Variants in STAG1 observed in about 807,000 individuals in gnomAD.
STAG1 encodes the protein cohesin subunit SA-1.
A neutral mutation model predicts 170.9 loss-of-function variants in STAG1; 26 were observed. That is an observed-to-expected ratio of 0.15 (90% CI 0.11 to 0.21). The LOEUF is 0.21. STAG1 is among the 10% of genes least tolerant of loss of function. The probability of loss-of-function intolerance (pLI) is 1.00; values close to 1 mark genes in which losing one functional copy is unlikely to be tolerated. For synonymous variants in STAG1, 514 were observed against 497.7 expected (o/e 1.03, Z -0.44); for missense variants, 964 against 1,509.5 (o/e 0.64, Z 5.99).
intron 26 of STAG1, 132 bp downstream of exon 26, chr3:136,363,234 A>G: frequency 2.2e-6 from 1 of 460,128 alleles, no homozygotes; most frequent in Non-Finnish European, 3.8e-6. Flanking sequence ...GAAAATATCC[A>G]CAGTAATGCA....
chr3:136,432,525 G>A (rs1017759362), intron 16 of STAG1, among the ~76,000 whole-genome samples: 3 of 142,036 alleles, frequency 2.1e-5, no homozygotes, highest in African/African-American at 7.6e-5. Context: ...GGGGGGGGGG[G>A]GGCACAGAGT....
At chr3:136,463,236 G>C (rs895254605) in intron 13 of STAG1, among the ~76,000 whole-genome samples, 15 of 151,842 alleles carry the variant, frequency 9.9e-5, no homozygotes. Context: ...CCAGTAAGTA[G>C]CTGGTTTCTT....
chr3:136,737,072 G>C, intron 1 of STAG1: 3 of 1,146,728 alleles, frequency 2.6e-6, no homozygotes, highest in Non-Finnish European at 4.0e-6. Context: ...CAAATGGGGT[G>C]AAACTGAAGT....
At chr3:136,480,943 T>C (rs1007680986) in intron 9 of STAG1, among the ~76,000 whole-genome samples, 1 of 145,654 alleles carries the variant, frequency 6.9e-6, no homozygotes, top group African/African-American at 2.5e-5. Context: ...TCCTGAGACT[T>C]TGCTGAAGTC....
At chr3:136,485,008 C>G (rs1383064404) in intron 9 of STAG1, among the ~76,000 whole-genome samples, 1 of 152,208 alleles carries the variant, frequency 6.6e-6, no homozygotes. Context: ...CCCGGTACCT[C>G]AGATGGAAAT....
rs117216513 is a variant in STAG1 at position 136,621,822 on chromosome 3, A to G, written c.132+1324T>C. Among the ~76,000 whole-genome samples, 503 of 152,264 alleles carry G rather than the reference A, an allele frequency of 3.3e-3. 8 individuals are homozygous for G. The East Asian group carries it at 0.047, about 14-fold the overall frequency. On this transcript the variant is annotated intron_variant, in intron 3 of 33. Transcript: ENST00000383202. ...AAGACATATAGACAATAACTGGTTA[A>G]GCAACATAACCATCAGTTGCAGGGG...
At chr3:136,548,214 G>A (rs559029856) in intron 5 of STAG1, among the ~76,000 whole-genome samples, 23 of 151,666 alleles carry the variant, frequency 1.5e-4, no homozygotes, top group Non-Finnish European at 2.8e-4. Context: ...CCCCAGCTCA[G>A]GTGGTCCTCC....
chr3:136,391,670 C>T (rs1173315559), intron 22 of STAG1, among the ~76,000 whole-genome samples: 4 of 152,216 alleles, frequency 2.6e-5, no homozygotes, highest in African/African-American at 2.4e-5. Flanking sequence ...CCACCATGCC[C>T]GGCCCATTTT....
intron 23 of STAG1, among the ~76,000 whole-genome samples, chr3:136,369,865 T>A (rs1240638022): frequency 6.6e-6 from 1 of 152,154 alleles, no homozygotes; most frequent in African/African-American, 2.4e-5. Flanking sequence ...AAAATTCCTA[T>A]CACCTAGTGA....
At chr3:136,436,453 T>A (rs559569130) in intron 15 of STAG1, among the ~76,000 whole-genome samples, 64 of 152,192 alleles carry the variant, frequency 4.2e-4, no homozygotes, top group South Asian at 8.3e-4. Context: ...AGCTAATTTT[T>A]GTACTTTTAG....
intron 23 of STAG1, among the ~76,000 whole-genome samples, chr3:136,375,498 G>A (rs1018525965): frequency 6.6e-6 from 1 of 152,168 alleles, no homozygotes; most frequent in Non-Finnish European, 1.5e-5. Context: ...TGCAGCAAGA[G>A]TCTTGGCAGT....
At chr3:136,660,081 G>T (rs191571863) in intron 1 of STAG1, among the ~76,000 whole-genome samples, 19 of 152,332 alleles carry the variant, frequency 1.2e-4, no homozygotes, top group Admixed American at 1.2e-3. Context: ...GTGTGCGCAT[G>T]TGTGTCTGTA....
intron 28 of STAG1, among the ~76,000 whole-genome samples, chr3:136,353,913 T>C (rs1203395675): frequency 6.6e-6 from 1 of 152,256 alleles, no homozygotes; most frequent in Non-Finnish European, 1.5e-5. Flanking sequence ...TGTATGTTAC[T>C]GTATTGTTGG....
intron 16 of STAG1, among the ~76,000 whole-genome samples, chr3:136,426,056 C>A (rs546689388): frequency 6.6e-6 from 1 of 150,520 alleles, no homozygotes; most frequent in Non-Finnish European, 1.5e-5. Context: ...CATTTATATG[C>A]AGATTTTTTT....
At chr3:136,731,910 C>T (rs1576825234) in intron 1 of STAG1, among the ~76,000 whole-genome samples, 1 of 152,060 alleles carries the variant, frequency 6.6e-6, no homozygotes, top group Non-Finnish European at 1.5e-5. Flanking sequence ...AATAAACAGA[C>T]GGGAGGTGTG....
chr3:136,491,923 C>T (rs1443184695), intron 9 of STAG1, among the ~76,000 whole-genome samples: 1 of 152,002 alleles, frequency 6.6e-6, no homozygotes, highest in South Asian at 2.1e-4. Flanking sequence ...ACCCAGGAGG[C>T]GGGGGCTGGA....
At chr3:136,399,557 A>AG (rs1403907828) in intron 21 of STAG1, among the ~76,000 whole-genome samples, 2 of 152,146 alleles carry the variant, frequency 1.3e-5, no homozygotes, top group Non-Finnish European at 2.9e-5. Flanking sequence ...ATGTACCTAG[A>AG]GTTCATTAGT....
intron 3 of STAG1, among the ~76,000 whole-genome samples, chr3:136,620,428 T>C (rs531414581): frequency 5.3e-5 from 8 of 152,364 alleles, no homozygotes; most frequent in African/African-American, 1.9e-4. Context: ...CTTGGCATTC[T>C]GGCTTCCTTA....
intron 5 of STAG1, among the ~76,000 whole-genome samples, chr3:136,560,516 T>C (rs1936798483): frequency 6.6e-6 from 1 of 152,238 alleles, no homozygotes; most frequent in Admixed American, 6.5e-5. Context: ...TGAATTTACA[T>C]AGCTTTAGAA....
Sources: gnomAD v4.1 joint callset for allele counts (sites outside exome capture counted in the v4.1 genomes callset) on GRCh38, gnomAD v4.1.1 for gene constraint, MANE v1.5 for transcripts, NCBI Gene and HGNC (gene_info 2026-07-23, HGNC 2026-07-21) for gene names.